The following SND1 variants were observed in gnomAD, a reference collection of about 807,000 sequenced individuals.
The protein encoded by SND1 is staphylococcal nuclease domain-containing protein 1.
A neutral mutation model predicts 121.7 loss-of-function variants in SND1; 38 were observed. The ratio of observed to expected loss-of-function variants is 0.31; its 90% CI spans 0.24 to 0.41. SND1 has a LOEUF of 0.41. Among genes scored for constraint, SND1 ranks in the 10% least tolerant of loss-of-function variants. The pLI is 1.00. For missense variants in SND1, 868 were observed against 1,184.6 expected, an observed-to-expected ratio of 0.73 and a Z score of 3.92; for synonymous variants, 401 against 447.4, an observed-to-expected ratio of 0.90 and a Z score of 1.31.
At chr7:127,701,426 T>G (rs542566671) in intron 5 of SND1, 103 bp downstream of exon 5, 2 of 1,183,566 alleles carry the variant, frequency 1.7e-6, no homozygotes, top group East Asian at 4.9e-5. Flanking sequence ...TTTCTTATAC[T>G]TATTTAGTAT....
At chr7:127,993,842 C>T (rs905307704) in intron 16 of SND1, among the ~76,000 whole-genome samples, 3 of 152,158 alleles carry the variant, frequency 2.0e-5, no homozygotes, top group African/African-American at 4.8e-5. Context: ...CTTCCTGGGC[C>T]CCTGTGTGAT....
At chr7:128,078,269 TGG>T (rs1793540074) in intron 17 of SND1, among the ~76,000 whole-genome samples, 1 of 152,252 alleles carries the variant, frequency 6.6e-6, no homozygotes. Context: ...AAGGAACAGC[TGG>T]TCACCTCCAT....
chr7:127,916,568 A>G (rs1800584110), intron 14 of SND1, among the ~76,000 whole-genome samples: 1 of 152,218 alleles, frequency 6.6e-6, no homozygotes, highest in African/African-American at 2.4e-5. Flanking sequence ...CCCTAGACCA[A>G]GCCCTTTATT....
intron 15 of SND1, among the ~76,000 whole-genome samples, chr7:127,967,429 A>C (rs1369318081): frequency 6.6e-6 from 1 of 152,198 alleles, no homozygotes; most frequent in African/African-American, 2.4e-5. Flanking sequence ...TCATGTAACT[A>C]TCACTTGTTG....
At chr7:128,030,298 C>CA (rs754110639) in intron 16 of SND1, 1 of 1,614,068 alleles carries the variant, frequency 6.2e-7, no homozygotes. Context: ...GCCCCCACCT[C>CA]AATCTGCCGG....
At chr7:127,808,829 G>A (rs561916423) in intron 11 of SND1, among the ~76,000 whole-genome samples, 28 of 152,316 alleles carry the variant, frequency 1.8e-4, no homozygotes, top group South Asian at 6.2e-4. Flanking sequence ...ATTACACCAA[G>A]TTGATATCAT....
At chr7:128,064,870 C>A (rs1374385819) in intron 16 of SND1, among the ~76,000 whole-genome samples, 1 of 152,138 alleles carries the variant, frequency 6.6e-6, no homozygotes, top group Admixed American at 6.5e-5. Flanking sequence ...TTGACTTTTA[C>A]AGATATTTAA....
intron 16 of SND1, among the ~76,000 whole-genome samples, chr7:128,006,978 G>A (rs969788722): frequency 6.6e-6 from 1 of 152,164 alleles, no homozygotes; most frequent in South Asian, 2.1e-4. Context: ...CCTGAGCGCC[G>A]AGTGGGTTGA....
chr7:127,988,360 C>T (rs1366081572), intron 15 of SND1, among the ~76,000 whole-genome samples: 1 of 152,152 alleles, frequency 6.6e-6, no homozygotes, highest in African/African-American at 2.4e-5. Context: ...CAGAAGCACC[C>T]TACTTCGGCT....
intron 16 of SND1, among the ~76,000 whole-genome samples, chr7:128,043,863 T>TACACACACAC: frequency 6.7e-6 from 1 of 149,680 alleles, no homozygotes; most frequent in East Asian, 2.0e-4. Context: ...TATACACATA[T>TACACACACAC]ACACACACAC....
intron 10 of SND1, among the ~76,000 whole-genome samples, chr7:127,774,219 G>A (rs1368830811): frequency 6.6e-6 from 1 of 152,174 alleles, no homozygotes; most frequent in Admixed American, 6.5e-5. Context: ...GGAGATTCAA[G>A]ACAGTGATAT....
intron 10 of SND1, among the ~76,000 whole-genome samples, chr7:127,731,257 G>T (rs1420773991): frequency 6.6e-6 from 1 of 152,258 alleles, no homozygotes; most frequent in Non-Finnish European, 1.5e-5. Flanking sequence ...CTGCACAGGA[G>T]AATTGGCAGA....
chr7:127,992,909 C>G (rs1802553712), intron 16 of SND1, among the ~76,000 whole-genome samples: 1 of 152,176 alleles, frequency 6.6e-6, no homozygotes, highest in South Asian at 2.1e-4. Flanking sequence ...AAATTTTCCC[C>G]AGTTTTCTTT....
chr7:127,830,613 C>T (rs1798721808), intron 11 of SND1, among the ~76,000 whole-genome samples: 2 of 152,038 alleles, frequency 1.3e-5, no homozygotes, highest in Non-Finnish European at 2.9e-5. Flanking sequence ...TAATGATCCT[C>T]CTCATTAAGA....
intron 12 of SND1, among the ~76,000 whole-genome samples, chr7:127,868,746 T>G (rs1300414287): frequency 6.6e-6 from 1 of 152,242 alleles, no homozygotes; most frequent in African/African-American, 2.4e-5. Context: ...TGTTTCCAAA[T>G]GTAAGTAAAA....
intron 10 of SND1, among the ~76,000 whole-genome samples, chr7:127,795,077 A>G (rs1366209952): frequency 3.3e-5 from 5 of 152,126 alleles, no homozygotes; most frequent in South Asian, 2.1e-4. Context: ...GTCCTTTCCA[A>G]TGAAGGAAAT....
chr7:127,676,245 G>T (rs1449419464), intron 1 of SND1, among the ~76,000 whole-genome samples: 1 of 152,162 alleles, frequency 6.6e-6, no homozygotes, highest in Non-Finnish European at 1.5e-5. Flanking sequence ...GGGCATTGTT[G>T]TGAGGATGAG....
intron 1 of SND1, among the ~76,000 whole-genome samples, chr7:127,655,417 G>A (rs1183867352): frequency 1.3e-5 from 2 of 152,166 alleles, no homozygotes. Flanking sequence ...GGACAGAGTT[G>A]GTTCTGGAAT....
chr7:127,760,321 G>C (rs1164116689), intron 10 of SND1, among the ~76,000 whole-genome samples: 1 of 152,234 alleles, frequency 6.6e-6, no homozygotes, highest in East Asian at 1.9e-4. Context: ...TTCTGAGATA[G>C]TGGGAGGATA....
Sources: gnomAD v4.1 joint callset for allele counts (sites outside exome capture counted in the v4.1 genomes callset) on GRCh38, gnomAD v4.1.1 for gene constraint, MANE v1.5 for transcripts, NCBI Gene and HGNC (gene_info 2026-07-23, HGNC 2026-07-21) for gene names.